DSCAML1: variants seen among roughly 807,000 people sequenced by gnomAD.
The protein encoded by DSCAML1 is DS cell adhesion molecule like 1.
DSCAML1 carries 38 observed loss-of-function variants against 200.5 expected under a neutral mutation model. The ratio of observed to expected loss-of-function variants is 0.19; its 90% CI spans 0.15 to 0.25. The LOEUF is 0.25. DSCAML1 is among the 10% of genes least tolerant of loss of function. DSCAML1 has a pLI of 1.00. For missense variants in DSCAML1, 2,223 were observed against 2,858.8 expected, an observed-to-expected ratio of 0.78 and a Z score of 5.07; for synonymous variants, 1,215 against 1,165.0, an observed-to-expected ratio of 1.04 and a Z score of -0.87.
intron 16 of DSCAML1, among the ~76,000 whole-genome samples, chr11:117,468,681 C>A (rs943424841): frequency 6.6e-6 from 1 of 152,210 alleles, no homozygotes; most frequent in Non-Finnish European, 1.5e-5. Context: ...GGGCTGCCCC[C>A]AGGAAGGACC....
intron 3 of DSCAML1, among the ~76,000 whole-genome samples, chr11:117,598,543 G>A (rs2051404674): frequency 6.6e-6 from 1 of 152,198 alleles, no homozygotes; most frequent in Non-Finnish European, 1.5e-5. Context: ...TTGGTCTGGG[G>A]TCTATTATGG....
In DSCAML1 at chr11:117,516,802, C is replaced by T. The variant is rs1007002833; in HGVS notation, c.1511-63G>A. On this transcript the variant is annotated intron_variant, in intron 7 of 32. Transcript: ENST00000651296. The surrounding 1 kb of genome is among the most constrained non-coding windows in gnomAD (Gnocchi z 5.7). ...GGCATGTGCTGCTGTCAGCCAGGGA[C>T]AGCCAGGCACCACCCTGCGGTGCTC... 3.9e-6 allele frequency: 6 copies of T among 1,556,590 alleles called. No individual in the cohort carries two copies. Among genetic ancestry groups the T allele is most frequent in the Non-Finnish European group, 5.2e-6 (6 of 1,151,820 alleles).
intron 11 of DSCAML1, among the ~76,000 whole-genome samples, chr11:117,496,397 G>A (rs2049289218): frequency 6.6e-6 from 1 of 152,168 alleles, no homozygotes; most frequent in Admixed American, 6.5e-5. Context: ...ACTGTCATTG[G>A]GGGAGCAATT....
Position 117,428,066 on chromosome 11 carries a change from T to C in DSCAML1, c.*262A>G. Reference sequence around the variant, plus strand: ...TCCTGTCTGTCTATATATGTATATATATCTCCACACATATTTTGTGGGGTG... The same window carrying C: ...TCCTGTCTGTCTATATATGTATATACATCTCCACACATATTTTGTGGGGTG... On this transcript the variant is annotated 3_prime_UTR_variant, in exon 33 of 33. Transcript: ENST00000651296. The C allele has an allele frequency of 2.5e-6, 1 of 398,316 alleles. No individual in the cohort carries two copies. The highest frequency in any genetic ancestry group is 4.5e-6 in the Non-Finnish European group (1 of 222,158). The allele number at this position is 398,316 out of a possible 1,614,324, so 24.7% of individuals were successfully genotyped here. A position where few individuals can be genotyped will look rare whatever the true frequency, so the allele number is the denominator to read the frequency against.
chr11:117,718,186 C>G (rs1048585718), intron 3 of DSCAML1, among the ~76,000 whole-genome samples: 3 of 152,236 alleles, frequency 2.0e-5, no homozygotes, highest in Admixed American at 6.5e-5. Flanking sequence ...ATTGCCGCGC[C>G]GGCTCCAGCC....
intron 3 of DSCAML1, among the ~76,000 whole-genome samples, chr11:117,610,542 A>T (rs940400341): frequency 6.6e-6 from 1 of 152,010 alleles, no homozygotes; most frequent in Non-Finnish European, 1.5e-5. Context: ...GAGTGGTGAG[A>T]ACAGACGGTG....
chr11:117,512,589 A>AT (rs375855249), intron 8 of DSCAML1, among the ~76,000 whole-genome samples: 367 of 150,066 alleles, frequency 2.4e-3, no homozygotes, highest in Non-Finnish European at 4.1e-3. Flanking sequence ...GATTTCTGGG[A>AT]TTTTTTCAGA....
In DSCAML1 at chr11:117,742,089, T is replaced by C. The variant is rs532809781; in HGVS notation, c.511+34702A>G. 1.6e-4 allele frequency among the ~76,000 whole-genome samples: 24 copies of C among 152,286 alleles called. No individual in the cohort carries two copies. The East Asian group carries it at 4.6e-3, about 29-fold the overall frequency. On this transcript the variant is annotated intron_variant, in intron 3 of 32. Coordinates refer to ENST00000651296, the MANE Select transcript of DSCAML1 (RefSeq NM_020693.4). ...GGACGATGGCTGGCCCATTGCTAGA[T>C]GACAGATGGCACATCATCTCATAGG... is the stretch of plus-strand genomic sequence containing the variant.
intron 3 of DSCAML1, among the ~76,000 whole-genome samples, chr11:117,635,463 T>TGTGTGTGTGTGC (rs1407615623): frequency 1.4e-4 from 22 of 151,774 alleles, no homozygotes; most frequent in Admixed American, 5.9e-4. Flanking sequence ...TGTGTGTGTG[T>TGTGTGTGTGTGC]GTGTGTGTGT....
intron 3 of DSCAML1, among the ~76,000 whole-genome samples, chr11:117,744,395 G>A (rs1263354624): frequency 1.3e-5 from 2 of 152,204 alleles, no homozygotes; most frequent in African/African-American, 4.8e-5. Flanking sequence ...GGGCAGGGTG[G>A]GGCCTGAGAC....
At chr11:117,543,336 C>T (rs758314546) in intron 3 of DSCAML1, among the ~76,000 whole-genome samples, 2 of 151,656 alleles carry the variant, frequency 1.3e-5, no homozygotes, top group African/African-American at 2.4e-5. Context: ...AACCTGTGCT[C>T]GTGTGTGTAC....
At chr11:117,630,892 T>C (rs969160251) in intron 3 of DSCAML1, among the ~76,000 whole-genome samples, 3 of 152,150 alleles carry the variant, frequency 2.0e-5, no homozygotes, top group Non-Finnish European at 4.4e-5. Context: ...GCAGGTCGCA[T>C]GAACTCTCTG....
In DSCAML1 at chr11:117,447,977, A is replaced by G. The variant is rs564709920; in HGVS notation, c.3708+2572T>C. On this transcript the variant is annotated intron_variant, in intron 20 of 32. Transcript: ENST00000651296. ...CCCTCACTAAGTTCAGTTTCCCCCC[A>G]ACCTTTGACCCCAGTCCCCCTACAG... 2.0e-5 allele frequency among the ~76,000 whole-genome samples: 3 copies of G among 152,278 alleles called. No homozygotes were observed. The East Asian group carries it at 5.8e-4, about 29-fold the overall frequency.
intron 11 of DSCAML1, among the ~76,000 whole-genome samples, chr11:117,496,671 G>C (rs527815826): frequency 5.9e-5 from 9 of 152,226 alleles, no homozygotes; most frequent in Admixed American, 3.9e-4. Context: ...GCAGGGATGA[G>C]AGTGAAGTGG....
At chr11:117,650,700 T>TGCGCGC (rs1555194702) in intron 3 of DSCAML1, among the ~76,000 whole-genome samples, 9 of 147,352 alleles carry the variant, frequency 6.1e-5, no homozygotes, top group African/African-American at 2.0e-4. Flanking sequence ...TGTGTGTGTG[T>TGCGCGC]GCGTGTGTGT....
intron 3 of DSCAML1, among the ~76,000 whole-genome samples, chr11:117,713,078 A>G (rs2053880795): frequency 6.6e-6 from 1 of 152,040 alleles, no homozygotes; most frequent in Non-Finnish European, 1.5e-5. Context: ...TCCCTTCCTC[A>G]GTTTCCCCAC....
At position 117,503,824 on chromosome 11, in the gene DSCAML1, G is replaced by C. The variant is rs199975631; in HGVS notation, c.2359+21C>G. The C allele has an allele frequency of 3.2e-5, 51 of 1,609,374 alleles. No individual in the cohort carries two copies. The African/African-American group carries it at 6.3e-4, about 20-fold the overall frequency. The stretch of plus-strand genomic sequence containing the variant: ...GGCTGTGATTTGGGGGTGCTAGGGG[G>C]CGTGTGGGGACAGGACTCACTCTTG... On this transcript the variant is annotated intron_variant, in intron 11 of 32. Transcript: ENST00000651296. The surrounding 1 kb of genome is among the most constrained non-coding windows in gnomAD (Gnocchi z 5.2).
chr11:117,719,822 T>C (rs1258018651), intron 3 of DSCAML1, among the ~76,000 whole-genome samples: 6 of 152,086 alleles, frequency 3.9e-5, no homozygotes, highest in Non-Finnish European at 7.4e-5. Flanking sequence ...GGGCAGAAGG[T>C]CCAGGCGGGC....
intron 3 of DSCAML1, among the ~76,000 whole-genome samples, chr11:117,555,633 T>C (rs983169392): frequency 6.6e-6 from 1 of 152,004 alleles, no homozygotes; most frequent in Non-Finnish European, 1.5e-5. Flanking sequence ...AGGGAGCATC[T>C]GGGAAGCAGG....
Sources: allele counts gnomAD v4.1 joint callset (sites outside exome capture counted in the v4.1 genomes callset), GRCh38; gene constraint gnomAD v4.1.1; non-coding constraint Gnocchi (gnomAD v3.1); transcripts MANE v1.5; gene names NCBI Gene and HGNC (gene_info 2026-07-23, HGNC 2026-07-21).